The following KCNMB2 variants were observed in gnomAD, a reference collection of about 807,000 sequenced individuals.
KCNMB2 encodes calcium-activated potassium channel subunit beta-2.
KCNMB2 carries 9 observed loss-of-function variants against 24.5 expected under a neutral mutation model. The ratio of observed to expected loss-of-function variants is 0.37; its 90% CI spans 0.22 to 0.64. The LOEUF (loss-of-function observed/expected upper bound fraction) is 0.64, where lower values mean the gene tolerates loss of function less well. Ranked by LOEUF, KCNMB2 falls within the 30% of genes least tolerant of loss-of-function variation. KCNMB2 has a pLI of 0.63. For synonymous variants in KCNMB2, 109 were observed against 104.4 expected (o/e 1.04, Z -0.27); for missense variants, 226 against 284.3 (o/e 0.79, Z 1.47).
chr3:178,704,902 T>C (rs576860075), intron 1 of KCNMB2, among the ~76,000 whole-genome samples: 1 of 152,172 alleles, frequency 6.6e-6, no homozygotes, highest in East Asian at 1.9e-4. Context: ...CTGACTCCTA[T>C]AAGATGAAAT....
intron 1 of KCNMB2, among the ~76,000 whole-genome samples, chr3:178,659,782 A>G (rs977367488): frequency 4.6e-5 from 7 of 152,240 alleles, no homozygotes; most frequent in Admixed American, 1.3e-4. Context: ...TAGTGTGTGT[A>G]GCACATGGCC....
chr3:178,748,735 G>A (rs1191744804), intron 1 of KCNMB2, among the ~76,000 whole-genome samples: 2 of 152,062 alleles, frequency 1.3e-5, no homozygotes, highest in Admixed American at 6.6e-5. Flanking sequence ...TGAGAACCCC[G>A]CTATTGAAAA....
chr3:178,599,037 G>T (rs1717981941), intron 1 of KCNMB2, among the ~76,000 whole-genome samples: 2 of 152,116 alleles, frequency 1.3e-5, no homozygotes, highest in Non-Finnish European at 2.9e-5. Context: ...TTTAAGCAAA[G>T]ATATGTCAAG....
At chr3:178,631,616 C>T (rs1025928257) in intron 1 of KCNMB2, among the ~76,000 whole-genome samples, 1 of 152,124 alleles carries the variant, frequency 6.6e-6, no homozygotes, top group Non-Finnish European at 1.5e-5. Context: ...AATAATTGTT[C>T]CTTGACTATA....
At chr3:178,666,624 A>C (rs1720728176) in intron 1 of KCNMB2, among the ~76,000 whole-genome samples, 1 of 152,156 alleles carries the variant, frequency 6.6e-6, no homozygotes, top group African/African-American at 2.4e-5. Flanking sequence ...GCATGTTGAA[A>C]ATCTTATTTC....
Position 178,825,612 on chromosome 3 carries a change from C to A in KCNMB2, c.81C>A (p.Asp27Glu), listed in dbSNP as rs1467931188. Reference protein sequence around the residue: ...EKRNIYQKIRDHDLLDKRKTV... With the variant: ...EKRNIYQKIREHDLLDKRKTV... ...GAAATATTTACCAGAAAATCAGGGACCATGACCTCCTGGACAAAAGGAAAA... is the reference window on the plus strand; with the variant it reads ...GAAATATTTACCAGAAAATCAGGGAACATGACCTCCTGGACAAAAGGAAAA... The change falls in exon 3 of 5, where the codon GAC becomes GAA. Residue 27 changes from aspartate to glutamate, a missense_variant. Asp to Glu is a conservative substitution (Grantham distance 45). Transcript: ENST00000452583. The A allele has an allele frequency of 6.2e-7, 1 of 1,613,470 alleles. No individual in the cohort carries two copies. Among genetic ancestry groups the A allele is most frequent in the Non-Finnish European group, 8.5e-7 (1 of 1,179,588 alleles).
intron 1 of KCNMB2, among the ~76,000 whole-genome samples, chr3:178,586,905 C>G (rs1342768372): frequency 6.6e-6 from 1 of 152,118 alleles, no homozygotes; most frequent in African/African-American, 2.4e-5. Flanking sequence ...TAAAACTATT[C>G]TCTTATACTT....
chr3:178,824,531 C>G (rs1211031027), intron 2 of KCNMB2: 1 of 148,486 alleles, frequency 6.7e-6, no homozygotes, highest in Non-Finnish European at 1.4e-5. Context: ...CCACGCCCGG[C>G]TAATTTTTTG....
At position 178,702,761 on chromosome 3, in the gene KCNMB2, T is replaced by C. The variant is rs573669313; in HGVS notation, c.-67-104582T>C. ...CGAGTCTGAGACCATCACTGTCAAATCTTTGTTCATGGAAGCAGGTGGAGT... is the reference window on the plus strand; with the variant it reads ...CGAGTCTGAGACCATCACTGTCAAACCTTTGTTCATGGAAGCAGGTGGAGT... On this transcript the variant is annotated intron_variant, in intron 1 of 4. Transcript: ENST00000452583. Among the ~76,000 whole-genome samples the C allele has an allele frequency of 1.3e-4, 20 of 151,936 alleles. 1 individual carries two copies. In the South Asian group the frequency reaches 3.7e-3, roughly 28 times the overall value.
At chr3:178,796,372 A>G (rs1477830967) in intron 1 of KCNMB2, among the ~76,000 whole-genome samples, 2 of 152,240 alleles carry the variant, frequency 1.3e-5, no homozygotes, top group African/African-American at 2.4e-5. Flanking sequence ...GCGAAGAATC[A>G]TTGGATTTAA....
At chr3:178,713,766 T>C (rs532885714) in intron 1 of KCNMB2, among the ~76,000 whole-genome samples, 1 of 152,328 alleles carries the variant, frequency 6.6e-6, no homozygotes, top group Non-Finnish European at 1.5e-5. Context: ...TCACATGGTC[T>C]ATCTTTAGTA....
intron 4 of KCNMB2, among the ~76,000 whole-genome samples, chr3:178,839,039 T>C (rs1312837846): frequency 6.6e-6 from 1 of 152,186 alleles, no homozygotes; most frequent in Non-Finnish European, 1.5e-5. Flanking sequence ...AATTTAATTC[T>C]GATAAATCAG....
At chr3:178,761,141 A>C (rs996250002) in intron 1 of KCNMB2, among the ~76,000 whole-genome samples, 1 of 152,158 alleles carries the variant, frequency 6.6e-6, no homozygotes, top group African/African-American at 2.4e-5. Context: ...TCCGAGTCTG[A>C]ATGAACTTTA....
intron 1 of KCNMB2, among the ~76,000 whole-genome samples, chr3:178,764,386 A>G (rs1712033387): frequency 6.6e-6 from 1 of 152,202 alleles, no homozygotes; most frequent in Non-Finnish European, 1.5e-5. Flanking sequence ...ATAATACTGT[A>G]GTTTTACTCT....
intron 1 of KCNMB2, among the ~76,000 whole-genome samples, chr3:178,645,302 G>A (rs576625044): frequency 4.0e-5 from 6 of 151,880 alleles, no homozygotes; most frequent in South Asian, 2.1e-4. Flanking sequence ...TGCCCGCCTC[G>A]GCCTCCCAAA....
chr3:178,828,656 G>A (rs1714934976), intron 4 of KCNMB2, among the ~76,000 whole-genome samples: 2 of 152,148 alleles, frequency 1.3e-5, no homozygotes, highest in African/African-American at 2.4e-5. Flanking sequence ...AATAGACTGA[G>A]TCTTTCAAAG....
chr3:178,707,498 A>C (rs1195088127), intron 1 of KCNMB2, among the ~76,000 whole-genome samples: 1 of 152,136 alleles, frequency 6.6e-6, no homozygotes, highest in East Asian at 1.9e-4. Flanking sequence ...TACTTGTGCC[A>C]ATTTCGCAGT....
chr3:178,580,412 A>T (rs1312758434), intron 1 of KCNMB2, among the ~76,000 whole-genome samples: 3 of 152,234 alleles, frequency 2.0e-5, no homozygotes, highest in Non-Finnish European at 4.4e-5. Context: ...AGCCAATATC[A>T]TACTGAATGG....
At chr3:178,554,312 T>G (rs941516746) in intron 1 of KCNMB2, among the ~76,000 whole-genome samples, 3 of 152,222 alleles carry the variant, frequency 2.0e-5, no homozygotes, top group Non-Finnish European at 2.9e-5. Context: ...TGTAGATAAA[T>G]TTGAATCAAC....
Sources: allele counts gnomAD v4.1 joint callset (sites outside exome capture counted in the v4.1 genomes callset), GRCh38; gene constraint gnomAD v4.1.1; transcripts MANE v1.5; gene names NCBI Gene and HGNC (gene_info 2026-07-23, HGNC 2026-07-21).